Variants in ARHGAP15 observed in about 807,000 individuals in gnomAD.
ARHGAP15 encodes the protein Rho GTPase activating protein 15.
Under a neutral mutation model 63.7 loss-of-function variants are expected in ARHGAP15, and 51 were observed. That is an observed-to-expected ratio of 0.80 (90% CI 0.64 to 1.01). The LOEUF (loss-of-function observed/expected upper bound fraction) is 1.01, where lower values mean the gene tolerates loss of function less well. Among genes scored for constraint, ARHGAP15 ranks in the 50% least tolerant of loss-of-function variants. ARHGAP15 has a pLI of 0.00. For synonymous variants in ARHGAP15, 191 were observed against 193.8 expected (o/e 0.99, Z 0.12); for missense variants, 560 against 564.6 (o/e 0.99, Z 0.08).
At chr2:143,511,012 T>G (rs781061153) in intron 9 of ARHGAP15, among the ~76,000 whole-genome samples, 35 of 152,256 alleles carry the variant, frequency 2.3e-4, no homozygotes, top group Non-Finnish European at 4.8e-4. Flanking sequence ...ATTTGGAATC[T>G]GACTGACAGA....
At chr2:143,390,751 A>G (rs1687504283) in intron 6 of ARHGAP15, among the ~76,000 whole-genome samples, 1 of 151,346 alleles carries the variant, frequency 6.6e-6, no homozygotes, top group Admixed American at 6.6e-5. Flanking sequence ...ACACACACAC[A>G]CACACACACA....
At chr2:143,278,603 G>A (rs185918924) in intron 6 of ARHGAP15, among the ~76,000 whole-genome samples, 3 of 152,060 alleles carry the variant, frequency 2.0e-5, no homozygotes, top group African/African-American at 7.2e-5. Context: ...TAGTCCAAAT[G>A]CAGGGTTTTT....
At chr2:143,613,450 A>G (rs1269888107) in intron 11 of ARHGAP15, among the ~76,000 whole-genome samples, 1 of 152,202 alleles carries the variant, frequency 6.6e-6, no homozygotes, top group East Asian at 1.9e-4. Context: ...GTGGAGACCA[A>G]CATAATCCAA....
chr2:143,475,464 T>C (rs1250762424), intron 8 of ARHGAP15, among the ~76,000 whole-genome samples: 1 of 152,232 alleles, frequency 6.6e-6, no homozygotes, highest in Non-Finnish European at 1.5e-5. Context: ...AATAGAGGGT[T>C]CTGTCCCAAC....
At chr2:143,380,917 G>A (rs1687030186) in intron 6 of ARHGAP15, among the ~76,000 whole-genome samples, 1 of 142,156 alleles carries the variant, frequency 7.0e-6, no homozygotes, top group South Asian at 2.2e-4. Flanking sequence ...ATACTTAACA[G>A]AAAGAAACTA....
intron 12 of ARHGAP15, among the ~76,000 whole-genome samples, chr2:143,624,564 G>T (rs1269493790): frequency 2.0e-5 from 3 of 152,014 alleles, no homozygotes; most frequent in African/African-American, 7.2e-5. Context: ...TGCTTTAAAG[G>T]GTTCACTGTG....
At chr2:143,216,243 A>G (rs1692751611) in intron 3 of ARHGAP15, 141 bp from the exon 4 acceptor site, 1 of 572,218 alleles carries the variant, frequency 1.7e-6, no homozygotes, top group Non-Finnish European at 3.1e-6. Context: ...GGCACTTCCC[A>G]TAAGCTATAT....
intron 2 of ARHGAP15, among the ~76,000 whole-genome samples, chr2:143,167,188 G>T (rs1574038162): frequency 6.6e-6 from 1 of 152,106 alleles, no homozygotes; most frequent in African/African-American, 2.4e-5. Context: ...TGTCCTTCAA[G>T]TAGCCATAAT....
intron 11 of ARHGAP15, among the ~76,000 whole-genome samples, chr2:143,614,323 A>C (rs775036787): frequency 7.2e-5 from 11 of 152,308 alleles, no homozygotes; most frequent in South Asian, 2.1e-4. Flanking sequence ...AACTTCCTAT[A>C]TACTATGAAA....
chr2:143,255,536 T>C (rs978019830), intron 6 of ARHGAP15, among the ~76,000 whole-genome samples: 2 of 152,136 alleles, frequency 1.3e-5, no homozygotes, highest in Non-Finnish European at 2.9e-5. Context: ...ATTTGATCTT[T>C]CTGATCTGAA....
chr2:143,243,088 G>T (rs749553150), intron 5 of ARHGAP15, among the ~76,000 whole-genome samples: 2 of 152,068 alleles, frequency 1.3e-5, no homozygotes, highest in Non-Finnish European at 2.9e-5. Flanking sequence ...AATGATTTGT[G>T]GCCTGCGTAT....
At chr2:143,582,166 A>G (rs534717819) in intron 11 of ARHGAP15, among the ~76,000 whole-genome samples, 2 of 152,284 alleles carry the variant, frequency 1.3e-5, no homozygotes, top group Admixed American at 6.5e-5. Flanking sequence ...CTGCAAGGCA[A>G]TGGCCAGTAA....
intron 2 of ARHGAP15, among the ~76,000 whole-genome samples, chr2:143,183,710 T>C (rs1447431674): frequency 3.4e-5 from 5 of 145,222 alleles, no homozygotes; most frequent in Non-Finnish European, 7.6e-5. Flanking sequence ...TTTTGGATTG[T>C]ATTTTTCTTT....
At chr2:143,228,506 G>T in intron 4 of ARHGAP15, 75 bp from the exon 5 acceptor site, 1 of 931,332 alleles carries the variant, frequency 1.1e-6, no homozygotes. Flanking sequence ...CATTCCAAAT[G>T]TTGCTCATAC....
At chr2:143,418,021 T>G (rs2105043443) in intron 6 of ARHGAP15, among the ~76,000 whole-genome samples, 1 of 152,340 alleles carries the variant, frequency 6.6e-6, no homozygotes, top group South Asian at 2.1e-4. Context: ...AAACTCAAAC[T>G]AATAGGAATA....
chr2:143,163,216 C>T (rs1216821630), intron 2 of ARHGAP15, among the ~76,000 whole-genome samples: 1 of 151,906 alleles, frequency 6.6e-6, no homozygotes, highest in African/African-American at 2.4e-5. Context: ...CAAACACTGA[C>T]TCAATTATCC....
intron 2 of ARHGAP15, among the ~76,000 whole-genome samples, chr2:143,167,871 G>A (rs1330971333): frequency 2.0e-5 from 3 of 152,242 alleles, no homozygotes; most frequent in South Asian, 4.1e-4. Context: ...CATTAGAGTT[G>A]TGGTGTTTTC....
chr2:143,323,470 C>T (rs192241980), intron 6 of ARHGAP15, among the ~76,000 whole-genome samples: 2 of 152,260 alleles, frequency 1.3e-5, no homozygotes, highest in East Asian at 1.9e-4. Context: ...TTACTTAGCA[C>T]ACAAAACTAT....
chr2:143,348,655 G>A lies in ARHGAP15; in HGVS notation c.475-86946G>A, dbSNP rs534828391. On this transcript the variant is annotated intron_variant, in intron 6 of 13. Transcript: ENST00000295095. ...TCCATGTATGTTGGTCTGTAGGTGTGAGCAGCAAACTAGAGGTACACGTTT... is the reference window on the plus strand; with the variant it reads ...TCCATGTATGTTGGTCTGTAGGTGTAAGCAGCAAACTAGAGGTACACGTTT... Among the ~76,000 whole-genome samples, 3 of 152,230 alleles carry A rather than the reference G, an allele frequency of 2.0e-5. No individual in the cohort carries two copies. The East Asian group carries it at 5.8e-4, about 29-fold the overall frequency.
Sources: allele counts gnomAD v4.1 joint callset (sites outside exome capture counted in the v4.1 genomes callset), GRCh38; gene constraint gnomAD v4.1.1; transcripts MANE v1.5; gene names NCBI Gene and HGNC (gene_info 2026-07-23, HGNC 2026-07-21).